The following DOCK10 variants were observed in gnomAD, a reference collection of about 807,000 sequenced individuals.
The protein encoded by DOCK10 is dedicator of cytokinesis 10.
A neutral mutation model predicts 280.1 loss-of-function variants in DOCK10; 145 were observed. The ratio of observed to expected loss-of-function variants is 0.52; its 90% CI spans 0.45 to 0.59. The LOEUF (loss-of-function observed/expected upper bound fraction) is 0.59. Among genes scored for constraint, DOCK10 ranks in the 20% least tolerant of loss-of-function variants. DOCK10 has a pLI of 0.00. For synonymous variants in DOCK10, 915 were observed against 942.2 expected (o/e 0.97, Z 0.53); for missense variants, 2,368 against 2,651.7 (o/e 0.89, Z 2.35).
In DOCK10 at chr2:224,873,950, G is replaced by A. The variant is rs750448117; in HGVS notation, c.1257+46C>T. 1.9e-5 allele frequency: 29 copies of A among 1,566,482 alleles called. 1 individual carries two copies. The highest frequency in any genetic ancestry group is 2.4e-5 in the Non-Finnish European group (28 of 1,158,104). ...AGAAAAGATTTTTGACTAGGGTGGTGTAATGTTGGCTTAATGGTATAGGAT... is the reference window on the plus strand; with the variant it reads ...AGAAAAGATTTTTGACTAGGGTGGTATAATGTTGGCTTAATGGTATAGGAT... On this transcript the variant is annotated intron_variant, in intron 11 of 55. Transcript: ENST00000258390.
chr2:224,840,307 G>A (rs1421846382), intron 23 of DOCK10: 1 of 332,582 alleles, frequency 3.0e-6, no homozygotes, highest in African/African-American at 2.1e-5. Flanking sequence ...ACTCAATGGA[G>A]TAAAGAGACA....
chr2:224,926,791 A>T (rs1248917703), intron 2 of DOCK10, among the ~76,000 whole-genome samples: 1 of 152,230 alleles, frequency 6.6e-6, no homozygotes, highest in Non-Finnish European at 1.5e-5. Context: ...TACTCAAGGG[A>T]TCAACATTAT....
intron 1 of DOCK10, among the ~76,000 whole-genome samples, chr2:224,999,310 A>T (rs1368136758): frequency 6.6e-6 from 1 of 150,582 alleles, no homozygotes; most frequent in South Asian, 2.1e-4. Context: ...GGCTTTAAAG[A>T]TCCTCCTGAC....
intron 1 of DOCK10, chr2:224,982,577 G>C: frequency 8.6e-7 from 1 of 1,156,568 alleles, no homozygotes; most frequent in Non-Finnish European, 1.1e-6. Flanking sequence ...ACACACTCAG[G>C]AATATTAGAG....
Position 224,870,178 on chromosome 2 carries a change from T to C in DOCK10, c.1257+3818A>G, listed in dbSNP as rs146824784. ...TTTTATAAGGGGCTTTTCCCCCTTT[T>C]GCTTGGCATTTCCCTTTGCTGCCGC... On this transcript the variant is annotated intron_variant, in intron 11 of 55. Transcript: ENST00000258390. 4.8e-3 allele frequency among the ~76,000 whole-genome samples: 736 copies of C among 152,318 alleles called. 2 individuals carry two copies. The highest frequency in any genetic ancestry group is 0.017 in the Middle Eastern group (5 of 294).
chr2:225,011,265 A>G (rs537478153), intron 1 of DOCK10, among the ~76,000 whole-genome samples: 1 of 152,222 alleles, frequency 6.6e-6, no homozygotes, highest in South Asian at 2.1e-4. Context: ...AGGTAGGTAG[A>G]TAAGTCACAG....
intron 1 of DOCK10, among the ~76,000 whole-genome samples, chr2:225,011,544 TA>T (rs1689440553): frequency 1.3e-5 from 2 of 152,368 alleles, no homozygotes; most frequent in South Asian, 4.1e-4. Flanking sequence ...GGCTTTCTTA[TA>T]AAATGTTTAT....
At chr2:224,854,886 AC>A in intron 16 of DOCK10, 76 bp downstream of exon 16, 1 of 1,187,516 alleles carries the variant, frequency 8.4e-7, no homozygotes, top group Admixed American at 2.3e-5. Flanking sequence ...CAACCAACCA[AC>A]CAACCAACCA....
chr2:224,905,234 A>ATTTTTTTTTTTTTTTTTTTTTTTTTT (rs201582173), intron 3 of DOCK10, among the ~76,000 whole-genome samples: 2 of 111,542 alleles, frequency 1.8e-5, no homozygotes, highest in Non-Finnish European at 1.7e-5. Flanking sequence ...CTATGGAACT[A>ATTTTTTTTTTTTTTTTTTTTTTTTTT]TTTTTTTTTT....
intron 25 of DOCK10, 143 bp from the exon 26 acceptor site, chr2:224,834,406 G>C (rs967382653): frequency 3.2e-6 from 2 of 629,858 alleles, no homozygotes; most frequent in Admixed American, 2.7e-5. Flanking sequence ...CCAATGATAA[G>C]AGCAGTACAC....
chr2:224,832,786 C>A (rs1174640752), intron 26 of DOCK10, among the ~76,000 whole-genome samples: 1 of 152,178 alleles, frequency 6.6e-6, no homozygotes, highest in Admixed American at 6.5e-5. Context: ...CCCTCTCCAT[C>A]CCTTAGCACT....
intron 23 of DOCK10, 117 bp from the exon 24 acceptor site, chr2:224,840,189 T>C (rs944404676): frequency 1.6e-5 from 9 of 557,878 alleles, no homozygotes; most frequent in Non-Finnish European, 2.2e-5. Flanking sequence ...CTTCGTGACA[T>C]TAGACTGGGC....
At chr2:224,886,572 A>G in intron 4 of DOCK10, 41 bp from the exon 5 acceptor site, 1 of 1,529,580 alleles carries the variant, frequency 6.5e-7, no homozygotes, top group Non-Finnish European at 8.8e-7. Context: ...TTGTCATTGG[A>G]GACAGCTTTC....
chr2:224,843,397 G>A (rs577744229), intron 22 of DOCK10, among the ~76,000 whole-genome samples: 1 of 152,320 alleles, frequency 6.6e-6, no homozygotes, highest in African/African-American at 2.4e-5. Flanking sequence ...AAGAGAAACT[G>A]AGGAGCTGCT....
intron 28 of DOCK10, among the ~76,000 whole-genome samples, chr2:224,820,794 C>A (rs1694458388): frequency 6.6e-6 from 1 of 152,074 alleles, no homozygotes; most frequent in Non-Finnish European, 1.5e-5. Context: ...AGAGAAATAC[C>A]ACAGATGTTT....
At chr2:224,986,958 C>T (rs1329783878) in intron 1 of DOCK10, among the ~76,000 whole-genome samples, 1 of 152,156 alleles carries the variant, frequency 6.6e-6, no homozygotes, top group Non-Finnish European at 1.5e-5. Context: ...CCCCGCCTTC[C>T]TCCCTGCTTC....
At chr2:224,924,902 G>A (rs1161927626) in intron 2 of DOCK10, among the ~76,000 whole-genome samples, 3 of 152,166 alleles carry the variant, frequency 2.0e-5, no homozygotes, top group East Asian at 3.9e-4. Context: ...GAAACTAATA[G>A]TAAAAGTCAA....
intron 18 of DOCK10, among the ~76,000 whole-genome samples, chr2:224,850,269 C>G (rs1440296627): frequency 6.6e-6 from 1 of 152,210 alleles, no homozygotes; most frequent in Non-Finnish European, 1.5e-5. Flanking sequence ...TGTACTTTCA[C>G]TATTTTCTGA....
intron 39 of DOCK10, among the ~76,000 whole-genome samples, chr2:224,802,525 G>A (rs1278315166): frequency 6.6e-6 from 1 of 152,122 alleles, no homozygotes; most frequent in Non-Finnish European, 1.5e-5. Context: ...TTTCACTGAT[G>A]TCATGTCCAC....
Sources: allele counts gnomAD v4.1 joint callset (sites outside exome capture counted in the v4.1 genomes callset), GRCh38; gene constraint gnomAD v4.1.1; transcripts MANE v1.5; gene names NCBI Gene and HGNC (gene_info 2026-07-23, HGNC 2026-07-21).